PAPPA2: variants seen among roughly 807,000 people sequenced by gnomAD.
The protein encoded by PAPPA2 is pappalysin-2.
Under a neutral mutation model 176.4 loss-of-function variants are expected in PAPPA2, and 86 were observed. The observed-to-expected ratio is 0.49, with a 90% CI of 0.41 to 0.58. The LOEUF is 0.58. Ranked by LOEUF, PAPPA2 falls within the 20% of genes least tolerant of loss-of-function variation. The probability of loss-of-function intolerance (pLI) is 0.00; values close to 1 mark genes in which losing one functional copy is unlikely to be tolerated. For synonymous variants in PAPPA2, 809 were observed against 852.2 expected, an observed-to-expected ratio of 0.95 and a Z score of 0.88; for missense variants, 2,073 against 2,256.9, an observed-to-expected ratio of 0.92 and a Z score of 1.65.
chr1:176,592,279 A>C (rs184417693), intron 2 of PAPPA2, among the ~76,000 whole-genome samples: 39 of 152,308 alleles, frequency 2.6e-4, no homozygotes, highest in Middle Eastern at 3.4e-3. Context: ...CATCTTAATA[A>C]ATTAGAGAGC....
At chr1:176,729,537 G>A in intron 12 of PAPPA2, among the ~76,000 whole-genome samples, 1 of 151,956 alleles carries the variant, frequency 6.6e-6, no homozygotes, top group Non-Finnish European at 1.5e-5. Context: ...AGTGTGTAGA[G>A]GGAAATTTAT....
intron 9 of PAPPA2, among the ~76,000 whole-genome samples, chr1:176,705,539 TG>T (rs1660845422): frequency 6.6e-6 from 1 of 152,074 alleles, no homozygotes. Context: ...GAGAAAAAAA[TG>T]GTAGTCCTCA....
At chr1:176,509,659 TATTTA>T (rs1001356335) in intron 1 of PAPPA2, among the ~76,000 whole-genome samples, 1 of 151,736 alleles carries the variant, frequency 6.6e-6, no homozygotes, top group Non-Finnish European at 1.5e-5. Context: ...ATGTAATGTA[TATTTA>T]ATTAGAGTTT....
rs199857969 is a variant in PAPPA2, at chr1:176,710,030, C to A, written c.3505C>A (p.Pro1169Thr). 1.9e-6 allele frequency: 3 copies of A among 1,613,432 alleles called. No individual in the cohort carries two copies. The highest frequency in any genetic ancestry group is 3.3e-5 in the Admixed American group (2 of 59,982). The change falls in exon 11 of 23, where the codon CCT becomes ACT. Residue 1169 changes from proline to threonine, a missense_variant. Coordinates refer to ENST00000367662, the MANE Select transcript of PAPPA2 (RefSeq NM_020318.3). ...YMYEGDGICE[P>T]FERKTSIVDC... ...GTATGAGGGAGATGGCATATGTGAACCTTTTGAGAGAAAAACCAGCATTGT... is the reference window on the plus strand; with the variant it reads ...GTATGAGGGAGATGGCATATGTGAAACTTTTGAGAGAAAAACCAGCATTGT...
chr1:176,695,966 ATGTGTGTGTGTGTGTGTGTGTGTGTG>A, intron 7 of PAPPA2, 107 bp downstream of exon 7: 2 of 864,306 alleles, frequency 2.3e-6, no homozygotes, highest in Non-Finnish European at 3.5e-6. Flanking sequence ...ATGTATGTGT[ATGTGTGTGTGTGTGTGTGTGTGTGTG>A]TGTGTGTGTG....
At chr1:176,581,342 A>G (rs1652947016) in intron 2 of PAPPA2, among the ~76,000 whole-genome samples, 1 of 152,194 alleles carries the variant, frequency 6.6e-6, no homozygotes, top group African/African-American at 2.4e-5. Context: ...ATGCCAGTAC[A>G]ATGCTATTTT....
intron 1 of PAPPA2, among the ~76,000 whole-genome samples, chr1:176,475,459 A>C (rs773472464): frequency 3.9e-5 from 6 of 152,210 alleles, no homozygotes; most frequent in Non-Finnish European, 5.9e-5. Context: ...GAAGGTCTAC[A>C]CTGGGGAGAG....
chr1:176,600,675 C>CAAA (rs749068016), intron 3 of PAPPA2, among the ~76,000 whole-genome samples: 5,563 of 80,750 alleles, frequency 0.069, 261 homozygotes, highest in Non-Finnish European at 0.094. Context: ...GACTCCGTCT[C>CAAA]AAAAAAAAAA....
At chr1:176,470,525 G>A (rs941184881) in intron 1 of PAPPA2, among the ~76,000 whole-genome samples, 2 of 152,096 alleles carry the variant, frequency 1.3e-5, no homozygotes, top group African/African-American at 2.4e-5. Flanking sequence ...GAATGATCAG[G>A]CCAGTAGACA....
intron 9 of PAPPA2, among the ~76,000 whole-genome samples, chr1:176,705,960 C>G (rs1483050917): frequency 2.0e-5 from 3 of 152,282 alleles, no homozygotes; most frequent in South Asian, 2.1e-4. Flanking sequence ...GATGAAACCA[C>G]ACAGACAGGC....
At chr1:176,659,777 T>C (rs1222548564) in intron 3 of PAPPA2, among the ~76,000 whole-genome samples, 4 of 152,112 alleles carry the variant, frequency 2.6e-5, no homozygotes, top group Non-Finnish European at 5.9e-5. Flanking sequence ...AGAACTTATC[T>C]CTTTAATGTG....
At chr1:176,754,638 GA>G (rs1354398558) in intron 14 of PAPPA2, among the ~76,000 whole-genome samples, 1 of 152,224 alleles carries the variant, frequency 6.6e-6, no homozygotes, top group Admixed American at 6.5e-5. Context: ...AAGAGAAGTA[GA>G]AAAAGTAGTA....
At chr1:176,667,220 T>C (rs1187898800) in intron 3 of PAPPA2, among the ~76,000 whole-genome samples, 1 of 149,734 alleles carries the variant, frequency 6.7e-6, no homozygotes, top group African/African-American at 2.5e-5. Flanking sequence ...AACTCCAGCT[T>C]GGGCCACAAA....
At chr1:176,539,621 ATTT>A (rs545050602) in intron 1 of PAPPA2, among the ~76,000 whole-genome samples, 2 of 150,690 alleles carry the variant, frequency 1.3e-5, no homozygotes, top group African/African-American at 4.9e-5. Context: ...GTGTCATGTG[ATTT>A]TTTTTTTCCT....
At chr1:176,508,967 C>T (rs1648457431) in intron 1 of PAPPA2, among the ~76,000 whole-genome samples, 1 of 151,816 alleles carries the variant, frequency 6.6e-6, no homozygotes, top group Non-Finnish European at 1.5e-5. Flanking sequence ...TTCTTTATAG[C>T]AGTGTGAAAA....
chr1:176,625,953 G>A (rs1218837492), intron 3 of PAPPA2, among the ~76,000 whole-genome samples: 3 of 152,106 alleles, frequency 2.0e-5, no homozygotes, highest in African/African-American at 7.2e-5. Context: ...AGTCTAGGAG[G>A]TGGAGGCTGC....
intron 1 of PAPPA2, among the ~76,000 whole-genome samples, chr1:176,530,751 T>C (rs186454619): frequency 4.6e-5 from 7 of 152,318 alleles, no homozygotes; most frequent in Admixed American, 3.3e-4. Flanking sequence ...TTTCAATTGA[T>C]AAATTACATG....
intron 21 of PAPPA2, among the ~76,000 whole-genome samples, chr1:176,816,412 C>A (rs1490870734): frequency 6.6e-6 from 1 of 150,582 alleles, no homozygotes; most frequent in Non-Finnish European, 1.5e-5. Context: ...CGCATACACA[C>A]TCCTGCACTT....
intron 1 of PAPPA2, among the ~76,000 whole-genome samples, chr1:176,533,874 C>T (rs188756411): frequency 2.6e-4 from 39 of 152,290 alleles, no homozygotes; most frequent in African/African-American, 8.7e-4. Flanking sequence ...CTGCACGTAG[C>T]TATTGAGTTC....
Sources: allele counts gnomAD v4.1 joint callset (sites outside exome capture counted in the v4.1 genomes callset), GRCh38; gene constraint gnomAD v4.1.1; transcripts MANE v1.5; gene names NCBI Gene and HGNC (gene_info 2026-07-23, HGNC 2026-07-21).